The following MPPED2 variants were observed in gnomAD, a reference collection of about 807,000 sequenced individuals.
The protein encoded by MPPED2 is metallophosphoesterase domain containing 2.
MPPED2 carries 5 observed loss-of-function variants against 33.0 expected under a neutral mutation model. The ratio of observed to expected loss-of-function variants is 0.15; its 90% CI spans 0.08 to 0.32. The LOEUF (loss-of-function observed/expected upper bound fraction) is 0.32, where lower values mean the gene tolerates loss of function less well. MPPED2 is among the 10% of genes least tolerant of loss of function. The pLI is 1.00. For synonymous variants in MPPED2, 136 were observed against 141.9 expected (o/e 0.96, Z 0.29); for missense variants, 275 against 372.1 (o/e 0.74, Z 2.15).
chr11:30,562,407 A>C (rs1590868194), intron 2 of MPPED2, among the ~76,000 whole-genome samples: 1 of 152,168 alleles, frequency 6.6e-6, no homozygotes, highest in Non-Finnish European at 1.5e-5. Context: ...GCTCCTGTTT[A>C]TTTTAAACTG....
At chr11:30,477,216 T>TTG (rs370834523) in intron 4 of MPPED2, among the ~76,000 whole-genome samples, 37 of 151,756 alleles carry the variant, frequency 2.4e-4, no homozygotes, top group African/African-American at 7.7e-4. Flanking sequence ...TTTATTTCTT[T>TTG]TGTGTGTGTG....
intron 3 of MPPED2, among the ~76,000 whole-genome samples, chr11:30,522,913 A>AT (rs1953955276): frequency 6.6e-6 from 1 of 152,198 alleles, no homozygotes; most frequent in African/African-American, 2.4e-5. Context: ...ACTATAAGGG[A>AT]TTTTTAATGA....
rs72890839 is a variant in MPPED2 at position 30,542,186 on chromosome 11, A to G, written c.129-6011T>C. 2.0e-3 allele frequency among the ~76,000 whole-genome samples: 302 copies of G among 152,292 alleles called. 1 individual carries two copies. The highest frequency in any genetic ancestry group is 3.2e-3 in the Non-Finnish European group (220 of 68,022). Reference sequence around the variant, plus strand: ...CATGGCCTTTGCCTTACTCACTTGTACTAGTCCTTAATTTTTGTTAGATGC... The same window carrying G: ...CATGGCCTTTGCCTTACTCACTTGTGCTAGTCCTTAATTTTTGTTAGATGC... On this transcript the variant is annotated intron_variant, in intron 2 of 6. Coordinates refer to ENST00000358117, the MANE Select transcript of MPPED2 (RefSeq NM_001584.3).
chr11:30,477,080 C>A (rs549562624), intron 4 of MPPED2, among the ~76,000 whole-genome samples: 1 of 152,150 alleles, frequency 6.6e-6, no homozygotes, highest in South Asian at 2.1e-4. Context: ...CATCCCATAA[C>A]CTCATTCTTA....
chr11:30,582,933 C>T (rs557886821), intron 1 of MPPED2, among the ~76,000 whole-genome samples: 4 of 152,258 alleles, frequency 2.6e-5, no homozygotes, highest in African/African-American at 4.8e-5. Flanking sequence ...AACAGTGCAC[C>T]TGCAGCGTCT....
At chr11:30,384,542 G>A (rs1341702461) in exon 7 of MPPED2, 3 of 149,406 alleles carry the variant, frequency 2.0e-5, no homozygotes, top group Non-Finnish European at 4.4e-5. Context: ...GCACGACCTC[G>A]GGGCTCACTG....
chr11:30,427,847 T>C (rs1213852500), intron 4 of MPPED2, among the ~76,000 whole-genome samples: 1 of 152,216 alleles, frequency 6.6e-6, no homozygotes, highest in African/African-American at 2.4e-5. Context: ...TTTAACTTTT[T>C]CTATAATGAC....
At chr11:30,511,858 C>A (rs914193953) in intron 3 of MPPED2, among the ~76,000 whole-genome samples, 4 of 152,182 alleles carry the variant, frequency 2.6e-5, no homozygotes, top group African/African-American at 7.2e-5. Context: ...GTTGAAGCAA[C>A]TTTGCGGAGA....
intron 3 of MPPED2, among the ~76,000 whole-genome samples, chr11:30,496,358 T>C (rs1246475545): frequency 6.6e-6 from 1 of 152,222 alleles, no homozygotes; most frequent in Non-Finnish European, 1.5e-5. Context: ...CGTGATGCTA[T>C]AAGAACGAAA....
intron 4 of MPPED2, among the ~76,000 whole-genome samples, chr11:30,435,760 T>C (rs969963619): frequency 1.3e-5 from 2 of 152,172 alleles, no homozygotes; most frequent in Admixed American, 6.5e-5. Context: ...CTGTCAACTC[T>C]GCCCCCAAAC....
chr11:30,467,134 AC>A (rs1950743318), intron 4 of MPPED2, among the ~76,000 whole-genome samples: 5 of 152,076 alleles, frequency 3.3e-5, no homozygotes, highest in Admixed American at 3.3e-4. Context: ...AGTTGCAAAA[AC>A]ACCCCACCCC....
At chr11:30,439,052 G>A (rs980768265) in intron 4 of MPPED2, among the ~76,000 whole-genome samples, 1 of 152,184 alleles carries the variant, frequency 6.6e-6, no homozygotes, top group Admixed American at 6.5e-5. Flanking sequence ...CTCATAGAAA[G>A]ATGTGGAATT....
intron 6 of MPPED2, among the ~76,000 whole-genome samples, chr11:30,402,510 G>C (rs1202388322): frequency 6.6e-6 from 1 of 151,966 alleles, no homozygotes; most frequent in African/African-American, 2.4e-5. Flanking sequence ...AAAACAACCA[G>C]GCTACTCACC....
rs751501357 is a variant in MPPED2, at chr11:30,417,649, T to G, written c.537-16A>C. On this transcript the variant is annotated splice_polypyrimidine_tract_variant and intron_variant, in intron 4 of 6. Transcript: ENST00000358117. The stretch of plus-strand genomic sequence containing the variant: ...CCACGGGGTCCTTTGGGGGAGATAA[T>G]GCACATGGTATCAGGCCAGCAGAGC... 2.7e-6 allele frequency: 4 copies of G among 1,478,294 alleles called. No homozygotes were observed. The highest frequency in any genetic ancestry group is 2.8e-6 in the Non-Finnish European group (3 of 1,057,078). The allele number at this position is 1,478,294 out of a possible 1,614,324, so 91.6% of individuals were successfully genotyped here.
chr11:30,396,104 T>TTG (rs1947837188), intron 6 of MPPED2, among the ~76,000 whole-genome samples: 1 of 152,182 alleles, frequency 6.6e-6, no homozygotes, highest in African/African-American at 2.4e-5. Flanking sequence ...TCCTCCTACC[T>TTG]TGGGCTTTTG....
chr11:30,546,282 CAT>C (rs1353942542), intron 2 of MPPED2, among the ~76,000 whole-genome samples: 1 of 152,122 alleles, frequency 6.6e-6, no homozygotes, highest in African/African-American at 2.4e-5. Context: ...CGGCCTCAAA[CAT>C]GTCTTCACTT....
At chr11:30,408,258 G>A (rs1317667941), downstream of MPPED2, among the ~76,000 whole-genome samples, 1 of 152,214 alleles carries the variant, frequency 6.6e-6, no homozygotes, top group African/African-American at 2.4e-5. Context: ...CCACATTGCA[G>A]GGTGTTTCAG....
At chr11:30,495,651 T>A in intron 3 of MPPED2, 130 bp from the exon 4 acceptor site, 2 of 656,444 alleles carry the variant, frequency 3.0e-6, no homozygotes, top group Non-Finnish European at 5.3e-6. Context: ...CATTTCCATG[T>A]GAACTGGAAT....
At chr11:30,388,888 A>C in exon 7 of MPPED2, 1 of 1,561,018 alleles carries the variant, frequency 6.4e-7, no homozygotes, top group Non-Finnish European at 8.7e-7. Context: ...TTTCCTCTAG[A>C]CTAGGAAGTT....
Sources: gnomAD v4.1 joint callset for allele counts (sites outside exome capture counted in the v4.1 genomes callset) on GRCh38, gnomAD v4.1.1 for gene constraint, MANE v1.5 for transcripts, NCBI Gene and HGNC (gene_info 2026-07-23, HGNC 2026-07-21) for gene names.